The following CENPP variants were observed in gnomAD, a reference collection of about 807,000 sequenced individuals.
The protein encoded by CENPP is centromere protein P.
A neutral mutation model predicts 35.6 loss-of-function variants in CENPP; 24 were observed. The observed-to-expected ratio is 0.67, with a 90% CI of 0.49 to 0.95. CENPP has a LOEUF of 0.95. CENPP is among the 40% of genes least tolerant of loss of function. The pLI is 0.00. For missense variants in CENPP, 332 were observed against 345.3 expected (o/e 0.96, Z 0.31); for synonymous variants, 120 against 125.5 (o/e 0.96, Z 0.29).
At chr9:92,592,727 A>G (rs1326854004) in intron 5 of CENPP, among the ~76,000 whole-genome samples, 2 of 152,172 alleles carry the variant, frequency 1.3e-5, no homozygotes, top group Non-Finnish European at 2.9e-5. Flanking sequence ...CACTCTCACC[A>G]GCAGTGTATG....
chr9:92,605,743 G>T (rs1269307127), intron 5 of CENPP, among the ~76,000 whole-genome samples: 1 of 152,006 alleles, frequency 6.6e-6, no homozygotes, highest in African/African-American at 2.4e-5. Flanking sequence ...ATTAGGTCAT[G>T]GTTTCTTAGC....
intron 5 of CENPP, among the ~76,000 whole-genome samples, chr9:92,588,161 A>G (rs549293911): frequency 6.6e-6 from 1 of 152,198 alleles, no homozygotes; most frequent in East Asian, 1.9e-4. Flanking sequence ...TAAAATAGTT[A>G]CTTTTATGTC....
intron 5 of CENPP, among the ~76,000 whole-genome samples, chr9:92,556,000 T>G (rs558584619): frequency 3.9e-5 from 6 of 152,326 alleles, no homozygotes; most frequent in African/African-American, 1.4e-4. Context: ...TCTGTGCTCT[T>G]TCAGACTTTT....
intron 5 of CENPP, among the ~76,000 whole-genome samples, chr9:92,537,574 C>A (rs538458026): frequency 6.6e-6 from 1 of 152,024 alleles, no homozygotes; most frequent in Non-Finnish European, 1.5e-5. Context: ...GTAGGAGAAT[C>A]ACTTGAACCT....
chr9:92,511,367 C>T (rs529515935), intron 5 of CENPP, among the ~76,000 whole-genome samples: 71 of 124,312 alleles, frequency 5.7e-4, no homozygotes, highest in African/African-American at 1.9e-3. Context: ...CCTCATGATC[C>T]GCCCATCTTG....
intron 5 of CENPP, among the ~76,000 whole-genome samples, chr9:92,559,231 G>A (rs577981911): frequency 3.2e-4 from 48 of 152,246 alleles, no homozygotes; most frequent in African/African-American, 9.6e-4. Context: ...CCGCCCTCCC[G>A]ATGGATCCCT....
intron 5 of CENPP, among the ~76,000 whole-genome samples, chr9:92,406,274 A>G (rs1242743447): frequency 1.3e-5 from 2 of 152,204 alleles, no homozygotes; most frequent in Non-Finnish European, 2.9e-5. Flanking sequence ...GGGATGGACC[A>G]TATTAAGAGA....
At position 92,480,480 on chromosome 9, in the gene CENPP, A is replaced by G. The variant is rs533899324; in HGVS notation, c.564+100621A>G. 7.9e-5 allele frequency among the ~76,000 whole-genome samples: 12 copies of G among 152,344 alleles called. No individual in the cohort carries two copies. The East Asian group carries it at 1.7e-3, about 22-fold the overall frequency. On this transcript the variant is annotated intron_variant, in intron 5 of 7. Coordinates refer to ENST00000375587, the MANE Select transcript of CENPP (RefSeq NM_001012267.3). ...ATTTTAATCTCATAGTTACTTCCAG[A>G]CAGTAAACAGACTTTCCTCTGGAAA...
At chr9:92,469,417 A>G (rs1430038594) in intron 5 of CENPP, among the ~76,000 whole-genome samples, 2 of 152,082 alleles carry the variant, frequency 1.3e-5, no homozygotes, top group Non-Finnish European at 2.9e-5. Context: ...ATCAGCATGC[A>G]TGTCCTCAAT....
chr9:92,381,433 C>T lies in CENPP; in HGVS notation c.564+1574C>T, dbSNP rs1220108299. ...CCAAGTAGCTGGGACTACAGGCACA[C>T]GCCACCATGTCAGCTAATTTATGTA... is the stretch of plus-strand genomic sequence containing the variant. On this transcript the variant is annotated intron_variant, in intron 5 of 7. Coordinates refer to ENST00000375587, the MANE Select transcript of CENPP (RefSeq NM_001012267.3). 3.3e-5 allele frequency among the ~76,000 whole-genome samples: 5 copies of T among 151,924 alleles called. No homozygotes were observed. The East Asian group carries it at 7.7e-4, about 23-fold the overall frequency.
intron 5 of CENPP, among the ~76,000 whole-genome samples, chr9:92,583,019 A>G (rs1405135264): frequency 6.6e-6 from 1 of 152,164 alleles, no homozygotes; most frequent in Non-Finnish European, 1.5e-5. Flanking sequence ...ACTGTGTTTG[A>G]CAGGCACATG....
At chr9:92,444,686 C>A (rs1038824224) in intron 5 of CENPP, among the ~76,000 whole-genome samples, 1 of 152,128 alleles carries the variant, frequency 6.6e-6, no homozygotes, top group Non-Finnish European at 1.5e-5. Flanking sequence ...GTCCCAGCAC[C>A]ATTTGTTCAC....
chr9:92,538,990 T>C (rs1397731268), intron 5 of CENPP: 3 of 152,224 alleles, frequency 2.0e-5, no homozygotes, highest in South Asian at 2.1e-4. Context: ...GCTTTGTAGA[T>C]ATTAATACCC....
At chr9:92,563,349 A>G (rs7865019) in intron 5 of CENPP, among the ~76,000 whole-genome samples, 57,477 of 152,092 alleles carry the variant, frequency 0.38, 13,505 homozygotes, top group African/African-American at 0.66. Context: ...GGCAGTTACC[A>G]TCTGTTTTCC....
intron 4 of CENPP, among the ~76,000 whole-genome samples, chr9:92,354,704 A>G (rs1841545858): frequency 6.6e-6 from 1 of 152,202 alleles, no homozygotes. Context: ...AAAGTTTAAA[A>G]GACCTGTGTT....
chr9:92,561,167 C>T (rs1318617891), intron 5 of CENPP, among the ~76,000 whole-genome samples: 1 of 152,122 alleles, frequency 6.6e-6, no homozygotes, highest in Non-Finnish European at 1.5e-5. Context: ...GAGCTCTTTC[C>T]TGAGCTTCAT....
intron 4 of CENPP, among the ~76,000 whole-genome samples, chr9:92,354,364 C>T (rs1038676242): frequency 1.1e-4 from 16 of 152,190 alleles, no homozygotes; most frequent in Admixed American, 4.6e-4. Flanking sequence ...TTGGCCTTGT[C>T]AGACGTGGTG....
intron 5 of CENPP, among the ~76,000 whole-genome samples, chr9:92,575,588 C>T (rs1460833695): frequency 6.6e-6 from 1 of 152,102 alleles, no homozygotes; most frequent in East Asian, 1.9e-4. Flanking sequence ...CCAAGGCAGG[C>T]AGATCACGAG....
chr9:92,512,525 G>A (rs369649530), intron 5 of CENPP, among the ~76,000 whole-genome samples: 59 of 152,250 alleles, frequency 3.9e-4, no homozygotes, highest in African/African-American at 1.4e-3. Flanking sequence ...CTAGAAACAT[G>A]CCTCTGTTTT....
Sources: gnomAD v4.1 joint callset for allele counts (sites outside exome capture counted in the v4.1 genomes callset) on GRCh38, gnomAD v4.1.1 for gene constraint, MANE v1.5 for transcripts, NCBI Gene and HGNC (gene_info 2026-07-23, HGNC 2026-07-21) for gene names.